Variants in TAMALIN observed in about 807,000 individuals in gnomAD.
TAMALIN encodes the protein trafficking regulator and scaffold protein tamalin, also known as protein TAMALIN.
A neutral mutation model predicts 38.5 loss-of-function variants in TAMALIN; 9 were observed. The observed-to-expected ratio is 0.23, with a 90% CI of 0.14 to 0.41. The LOEUF (loss-of-function observed/expected upper bound fraction) is 0.41, where lower values mean the gene tolerates loss of function less well. Ranked by LOEUF, TAMALIN falls within the 10% of genes least tolerant of loss-of-function variation. TAMALIN has a pLI of 1.00. For missense variants in TAMALIN, 548 were observed against 554.1 expected (o/e 0.99, Z 0.11); for synonymous variants, 306 against 256.5 (o/e 1.19, Z -1.85).
At chr12:52,012,972 C>T (rs1937689789) in intron 4 of TAMALIN, among the ~76,000 whole-genome samples, 1 of 152,214 alleles carries the variant, frequency 6.6e-6, no homozygotes, top group Non-Finnish European at 1.5e-5. Flanking sequence ...ACCTGCTCTT[C>T]CCTGAATTGA....
intron 1 of TAMALIN, chr12:52,008,522 G>T (rs903675476): frequency 2.0e-6 from 2 of 985,078 alleles, no homozygotes; most frequent in African/African-American, 3.5e-5. Context: ...ATATGGCAAT[G>T]GAGAGAGAGA....
chr12:52,009,294 TG>T (rs1942462288), intron 2 of TAMALIN, 55 bp downstream of exon 2: 4 of 1,554,636 alleles, frequency 2.6e-6, no homozygotes, highest in Non-Finnish European at 1.8e-6. Context: ...GGTGCTGGGT[TG>T]GGGGGTGCCA....
chr12:52,010,916 C>A lies in TAMALIN; in HGVS notation c.332C>A (p.Thr111Asn), dbSNP rs779961496. 12 of 1,614,190 alleles carry A rather than the reference C, an allele frequency of 7.4e-6. No homozygotes were observed. Among genetic ancestry groups the A allele is most frequent in the South Asian group, 5.5e-5 (5 of 91,056 alleles). ...VLTLEKEDNQ[T>N]FGFEIQTYGL... is the part of the protein sequence containing the mutation. Reference sequence around the variant, plus strand: ...ACGTTGGAGAAGGAGGATAACCAGACCTTCGGCTTTGAGATCCAGGTGGGA... The same window carrying A: ...ACGTTGGAGAAGGAGGATAACCAGAACTTCGGCTTTGAGATCCAGGTGGGA... The change falls in exon 3 of 8, where the codon ACC (threonine) becomes AAC (asparagine). Residue 111 changes from threonine to asparagine, a missense_variant. Thr to Asn is a moderately conservative substitution (Grantham distance 65, BLOSUM62 0). Coordinates refer to ENST00000293662, the MANE Select transcript of TAMALIN (RefSeq NM_181711.4).
chr12:52,007,148 C>A lies in TAMALIN; in HGVS notation c.129C>A (p.Ala43=). The change falls in exon 1 of 8, where the codon GCC becomes GCA. Residue 43 remains alanine (A), a synonymous_variant. Coordinates refer to ENST00000293662, the MANE Select transcript of TAMALIN (RefSeq NM_181711.4). The surrounding 1 kb of genome is among the most constrained non-coding windows in gnomAD (Gnocchi z 6.7). ...CGGTCCCGACCCCGGGACCCCCTGCCGCAGCCGCCACCCCTGGGCCCCCAG... is the reference window on the plus strand; with the variant it reads ...CGGTCCCGACCCCGGGACCCCCTGCAGCAGCCGCCACCCCTGGGCCCCCAG... ...AAPVPTPGPP[A]AAATPGPPAD... is the part of the protein sequence containing the mutation. 1.3e-6 allele frequency: 2 copies of A among 1,491,226 alleles called. No individual in the cohort carries two copies. Among genetic ancestry groups the A allele is most frequent in the Non-Finnish European group, 1.8e-6 (2 of 1,128,938 alleles). 92.4% of individuals were successfully genotyped at this position (1,491,226 alleles called of 1,614,324 possible). A position where few individuals can be genotyped will look rare whatever the true frequency, so the allele number is the denominator to read the frequency against.
At chr12:52,014,377 T>A (rs1023955167) in intron 7 of TAMALIN, 176 bp downstream of exon 7, 3 of 656,958 alleles carry the variant, frequency 4.6e-6, no homozygotes, top group Non-Finnish European at 8.2e-6. Context: ...ACATTTCTGG[T>A]TATTCTCACA....
Position 52,007,560 on chromosome 12 carries a change from C to G in TAMALIN, c.246+295C>G. 2.0e-6 allele frequency: 2 copies of G among 982,830 alleles called. No individual in the cohort carries two copies. Among genetic ancestry groups the G allele is most frequent in the South Asian group, 9.4e-5 (2 of 21,206 alleles). The allele number at this position is 982,830 out of a possible 1,614,324, so 60.9% of individuals were successfully genotyped here. A position where few individuals can be genotyped will look rare whatever the true frequency, so the allele number is the denominator to read the frequency against. On this transcript the variant is annotated intron_variant, in intron 1 of 7. Coordinates refer to ENST00000293662, the MANE Select transcript of TAMALIN (RefSeq NM_181711.4). This position sits in a 1 kb window ranked among gnomAD's most constrained non-coding sequence, Gnocchi z 6.7. ...CCTACCCGCTCCATCTGGCTTTCTGCCCCCCATGCCCCGCCTCCCCGTGGC... is the reference window on the plus strand; with the variant it reads ...CCTACCCGCTCCATCTGGCTTTCTGGCCCCCATGCCCCGCCTCCCCGTGGC...
rs367922208 is a variant in TAMALIN at position 52,013,737 on chromosome 12, C to G, written c.505C>G (p.Arg169Gly). Residue 169 changes from arginine to glycine, a missense_variant, in exon 5 of 8, where the codon CGA (arginine) becomes GGA (glycine). Coordinates refer to ENST00000293662, the MANE Select transcript of TAMALIN (RefSeq NM_181711.4). ...CCTGAATGTGGAAGGCATCCGGCAT[C>G]GAGAGATTGTGGACATCATTAAGGC... Reference protein sequence around the residue: ...NGLNVEGIRHREIVDIIKASG... With the variant: ...NGLNVEGIRHGEIVDIIKASG... 3.1e-6 allele frequency: 5 copies of G among 1,614,118 alleles called. No individual in the cohort carries two copies. The highest frequency in any genetic ancestry group is 4.2e-6 in the Non-Finnish European group (5 of 1,180,018).
At position 52,015,213 on chromosome 12, in the gene TAMALIN, C is replaced by T. The variant is rs759729534; in HGVS notation, c.*14C>T. On this transcript the variant is annotated 3_prime_UTR_variant, in exon 8 of 8. Transcript: ENST00000293662. ...AGCCAGCTGTAGGGGCGGGGGCGGG[C>T]AGGGAGGTATTTATTTATTTATTCG... 2 of 1,572,084 alleles carry T rather than the reference C, an allele frequency of 1.3e-6. No individual in the cohort carries two copies. Among genetic ancestry groups the T allele is most frequent in the South Asian group, 1.1e-5 (1 of 89,236 alleles).
At chr12:52,008,316 C>T (rs1942447684) in intron 1 of TAMALIN, 1 of 985,162 alleles carries the variant, frequency 1.0e-6, no homozygotes, top group Non-Finnish European at 1.2e-6. Context: ...TGGACCTCCT[C>T]CCAGGACCAA....
intron 7 of TAMALIN, chr12:52,014,462 T>C: frequency 8.3e-6 from 5 of 599,124 alleles, no homozygotes; most frequent in Non-Finnish European, 1.5e-5. Context: ...TCAAAGAGTT[T>C]GTGTCAATTA....
In TAMALIN at chr12:52,013,930, T is replaced by G; in HGVS notation, c.602T>G (p.Leu201Arg). ...CGGAAGGCAGAACTGGAGGCTCGTC[T>G]GCAGTACCTGAAGGTAGGGGAACCT... is the stretch of plus-strand genomic sequence containing the variant. ...SIRKAELEAR[L>R]QYLKQTLYEK... Residue 201 changes from leucine to arginine, a missense_variant, in exon 6 of 8, where the codon CTG (leucine) becomes CGG (arginine). Physicochemically the swap from Leu to Arg is moderately radical, Grantham distance 102. Around this residue, in one of 3 missense-constraint regions of TAMALIN, gnomAD observed 415 missense variants for 417.0 expected, o/e 1.00. Coordinates refer to ENST00000293662, the MANE Select transcript of TAMALIN (RefSeq NM_181711.4). 3 of 1,614,146 alleles carry G rather than the reference T, an allele frequency of 1.9e-6. No individual in the cohort carries two copies. Among genetic ancestry groups the G allele is most frequent in the Non-Finnish European group, 2.5e-6 (3 of 1,180,006 alleles).
intron 7 of TAMALIN, 27 bp from the exon 8 acceptor site, chr12:52,014,667 C>A: frequency 6.9e-7 from 1 of 1,451,880 alleles, no homozygotes; most frequent in Non-Finnish European, 9.0e-7. Context: ...GCCTGACCCG[C>A]CCCCTACCTC....
chr12:52,009,689 G>A (rs1942469081), intron 2 of TAMALIN, among the ~76,000 whole-genome samples: 1 of 152,230 alleles, frequency 6.6e-6, no homozygotes, highest in African/African-American at 2.4e-5. Flanking sequence ...TCCTCTTCTG[G>A]TCCCAGCCTG....
At chr12:52,008,515 T>C in intron 1 of TAMALIN, 2 of 984,814 alleles carry the variant, frequency 2.0e-6, no homozygotes, top group South Asian at 9.4e-5. Flanking sequence ...ACAAAATATA[T>C]GGCAATGGAG....
At chr12:52,009,106 G>C (rs1942458324) in intron 1 of TAMALIN, 84 bp from the exon 2 acceptor site, 1 of 1,311,734 alleles carries the variant, frequency 7.6e-7, no homozygotes, top group South Asian at 1.2e-5. Flanking sequence ...CAGGAAGTGG[G>C]TCGCTGTGTC....
rs1455995080 is a variant in TAMALIN at position 52,014,844 on chromosome 12, G to GCGACGCCGA, written c.842_850dup (p.Asp281_Ala283dup). On this transcript the variant is annotated inframe_insertion, in exon 8 of 8. Transcript: ENST00000293662. ...CGCGGAGGCGCCCGACGGGCCAGGG[G>GCGACGCCGA]CGACGCCGACGACGCCGTCTACCAC... is the stretch of plus-strand genomic sequence containing the variant. 11 of 1,274,490 alleles carry GCGACGCCGA rather than the reference G, an allele frequency of 8.6e-6. No individual in the cohort carries two copies. Among genetic ancestry groups the GCGACGCCGA allele is most frequent in the Non-Finnish European group, 9.9e-6 (10 of 1,009,326 alleles). The allele number at this position is 1,274,490 out of a possible 1,614,324, so 78.9% of individuals were successfully genotyped here.
chr12:52,014,350 TGG>T, intron 7 of TAMALIN, 149 bp downstream of exon 7: 1 of 711,340 alleles, frequency 1.4e-6, no homozygotes. Context: ...ACTACTACTT[TGG>T]GTACTGCCGC....
intron 4 of TAMALIN, among the ~76,000 whole-genome samples, chr12:52,013,294 G>A (rs1937701409): frequency 6.6e-6 from 1 of 151,342 alleles, no homozygotes; most frequent in South Asian, 2.1e-4. Flanking sequence ...AGCCAGGATG[G>A]TCTCGATCTC....
chr12:52,007,559 G>T lies in TAMALIN; in HGVS notation c.246+294G>T, dbSNP rs1942434961. ...TCCTACCCGCTCCATCTGGCTTTCTGCCCCCCATGCCCCGCCTCCCCGTGG... is the reference window on the plus strand; with the variant it reads ...TCCTACCCGCTCCATCTGGCTTTCTTCCCCCCATGCCCCGCCTCCCCGTGG... On this transcript the variant is annotated intron_variant, in intron 1 of 7. Coordinates refer to ENST00000293662, the MANE Select transcript of TAMALIN (RefSeq NM_181711.4). This position sits in a 1 kb window ranked among gnomAD's most constrained non-coding sequence, Gnocchi z 6.7. 2.0e-6 allele frequency: 2 copies of T among 982,948 alleles called. No homozygotes were observed. The highest frequency in any genetic ancestry group is 3.5e-5 in the African/African-American group (2 of 56,896). The allele number at this position is 982,948 out of a possible 1,614,324, so 60.9% of individuals were successfully genotyped here.
Sources: allele counts gnomAD v4.1 joint callset (sites outside exome capture counted in the v4.1 genomes callset), GRCh38; gene constraint gnomAD v4.1.1; regional missense constraint gnomAD v4.1.1; non-coding constraint Gnocchi (gnomAD v3.1); transcripts MANE v1.5; gene names NCBI Gene and HGNC (gene_info 2026-07-23, HGNC 2026-07-21).